TSHZ2: variants seen among roughly 807,000 people sequenced by gnomAD.
TSHZ2 encodes teashirt zinc finger homeobox 2, also known as teashirt homolog 2.
TSHZ2 carries 21 observed loss-of-function variants against 74.4 expected under a neutral mutation model. The ratio of observed to expected loss-of-function variants is 0.28; its 90% CI spans 0.20 to 0.41. The LOEUF is 0.41. TSHZ2 is among the 10% of genes least tolerant of loss of function. The pLI is 1.00. For missense variants in TSHZ2, 1,244 were observed against 1,293.5 expected, an observed-to-expected ratio of 0.96 and a Z score of 0.59; for synonymous variants, 540 against 515.3, an observed-to-expected ratio of 1.05 and a Z score of -0.65.
Position 53,255,364 on chromosome 20 carries a change from A to C in TSHZ2, c.1906A>C (p.Lys636Gln), listed in dbSNP as rs1246771701. The C allele has an allele frequency of 1.9e-6, 3 of 1,614,102 alleles. No individual in the cohort carries two copies. The Admixed American group carries it at 5.0e-5, about 27-fold the overall frequency. ...FSHSEGDSFR[K>Q]SETPPEAKKT... ...CCACAGTGAGGGCGATTCTTTCCGC[A>C]AAAGTGAAACACCTCCAGAAGCCAA... Residue 636 changes from lysine (K) to glutamine (Q), a missense_variant, in exon 2 of 3, where the codon AAA (lysine) becomes CAA (glutamine). Physicochemically the swap from Lys to Gln is moderately conservative, Grantham distance 53 (BLOSUM62 1). Coordinates refer to ENST00000371497, the MANE Select transcript of TSHZ2 (RefSeq NM_173485.6). This position sits in a 1 kb window ranked among gnomAD's most constrained non-coding sequence, Gnocchi z 4.1.
intron 1 of TSHZ2, chr20:53,185,747 C>A: frequency 1.3e-6 from 2 of 1,527,792 alleles, no homozygotes; most frequent in South Asian, 2.4e-5. Context: ...AATGGATGTT[C>A]AGTTGCCCTT....
chr20:53,256,538 T>G lies in TSHZ2; in HGVS notation c.3080T>G (p.Phe1027Cys), dbSNP rs769107974. Reference protein sequence around the residue: ...HSKSPEHHSQFVTDVDEE With the variant: ...HSKSPEHHSQCVTDVDEE ...AAGTCACCCGAACACCATTCACAGTTTGTAACAGACGTGGATGAAGAATAG... is the reference window on the plus strand; with the variant it reads ...AAGTCACCCGAACACCATTCACAGTGTGTAACAGACGTGGATGAAGAATAG... The change falls in exon 2 of 3, where the codon TTT (phenylalanine) becomes TGT (cysteine). Residue 1027 changes from phenylalanine to cysteine, a missense_variant. Coordinates refer to ENST00000371497, the MANE Select transcript of TSHZ2 (RefSeq NM_173485.6). This position sits in a 1 kb window ranked among gnomAD's most constrained non-coding sequence, Gnocchi z 4.3. 1 of 1,598,140 alleles carries G rather than the reference T, an allele frequency of 6.3e-7. No individual in the cohort carries two copies. Among genetic ancestry groups the G allele is most frequent in the East Asian group, 2.2e-5 (1 of 44,568 alleles).
intron 1 of TSHZ2, among the ~76,000 whole-genome samples, chr20:53,215,543 A>G: frequency 6.8e-6 from 1 of 146,052 alleles, no homozygotes. Context: ...TGCCTTTGGG[A>G]GGGGAGAAGT....
intron 1 of TSHZ2, among the ~76,000 whole-genome samples, chr20:53,059,509 T>C (rs1441649959): frequency 6.6e-6 from 1 of 152,198 alleles, no homozygotes; most frequent in African/African-American, 2.4e-5. Flanking sequence ...TCTGTATCGA[T>C]AACAGAGTCT....
intron 2 of TSHZ2, among the ~76,000 whole-genome samples, chr20:53,418,712 A>G (rs1345482806): frequency 6.6e-6 from 1 of 152,192 alleles, no homozygotes; most frequent in African/African-American, 2.4e-5. Context: ...AAACCGTATC[A>G]ATAGGGATTT....
At chr20:53,017,438 AT>A (rs1379456823) in intron 1 of TSHZ2, among the ~76,000 whole-genome samples, 2 of 151,982 alleles carry the variant, frequency 1.3e-5, no homozygotes, top group African/African-American at 4.8e-5. Flanking sequence ...ACGGGCCAAC[AT>A]TTTTTTTCTT....
At chr20:53,406,456 G>T (rs1226801596) in intron 2 of TSHZ2, among the ~76,000 whole-genome samples, 1 of 152,152 alleles carries the variant, frequency 6.6e-6, no homozygotes, top group Non-Finnish European at 1.5e-5. Flanking sequence ...TTAGGAGGCT[G>T]TTGGTGCCAT....
At chr20:53,154,778 C>CT (rs1311435605) in intron 1 of TSHZ2, among the ~76,000 whole-genome samples, 1 of 152,126 alleles carries the variant, frequency 6.6e-6, no homozygotes, top group Non-Finnish European at 1.5e-5. Flanking sequence ...GTAGCTCCCT[C>CT]CAAATTTTGT....
intron 1 of TSHZ2, among the ~76,000 whole-genome samples, chr20:52,987,879 C>A (rs1030896464): frequency 1.3e-5 from 2 of 152,146 alleles, no homozygotes; most frequent in African/African-American, 4.8e-5. Flanking sequence ...AGACTTGATT[C>A]TTTATTTCTT....
intron 2 of TSHZ2, among the ~76,000 whole-genome samples, chr20:53,424,421 T>C (rs1983588290): frequency 6.6e-6 from 1 of 152,228 alleles, no homozygotes; most frequent in Non-Finnish European, 1.5e-5. Context: ...ATATCCCGGA[T>C]GACCATTATT....
intron 1 of TSHZ2, among the ~76,000 whole-genome samples, chr20:53,226,119 A>AACAC (rs11470731): frequency 0.026 from 3,862 of 147,528 alleles, 69 homozygotes; most frequent in African/African-American, 0.056. Flanking sequence ...GACTAAATTT[A>AACAC]ACACACACAC....
chr20:53,119,076 C>G (rs979774651), intron 1 of TSHZ2, among the ~76,000 whole-genome samples: 1 of 152,094 alleles, frequency 6.6e-6, no homozygotes, highest in Non-Finnish European at 1.5e-5. Context: ...ACACTCACCC[C>G]CATGATCCAA....
intron 2 of TSHZ2, among the ~76,000 whole-genome samples, chr20:53,437,079 C>T (rs1169008437): frequency 5.3e-5 from 8 of 152,186 alleles, no homozygotes; most frequent in Non-Finnish European, 1.2e-4. Flanking sequence ...CTCCTCTGGG[C>T]ACCTCCAGAA....
intron 1 of TSHZ2, among the ~76,000 whole-genome samples, chr20:53,251,666 A>G (rs1419571996): frequency 6.6e-6 from 1 of 152,218 alleles, no homozygotes; most frequent in Admixed American, 6.5e-5. Context: ...ATAGCAGTAA[A>G]ATAACTAACA....
intron 2 of TSHZ2, among the ~76,000 whole-genome samples, chr20:53,386,413 A>G (rs1982047922): frequency 1.3e-5 from 2 of 152,206 alleles, no homozygotes; most frequent in Admixed American, 1.3e-4. Context: ...CCTCATTTGC[A>G]TATCCCATTT....
chr20:52,988,202 A>G (rs1318331416), intron 1 of TSHZ2, among the ~76,000 whole-genome samples: 2 of 152,186 alleles, frequency 1.3e-5, no homozygotes, highest in Non-Finnish European at 2.9e-5. Flanking sequence ...CCCATATAAC[A>G]ACGAAGCCAA....
At chr20:53,348,559 A>G (rs201420978) in intron 2 of TSHZ2, among the ~76,000 whole-genome samples, 2 of 145,356 alleles carry the variant, frequency 1.4e-5, no homozygotes, top group Non-Finnish European at 3.0e-5. Flanking sequence ...AGACCCCCCC[A>G]AAAGAAACAA....
intron 1 of TSHZ2, among the ~76,000 whole-genome samples, chr20:52,974,079 T>C (rs1429412937): frequency 6.6e-6 from 1 of 152,176 alleles, no homozygotes; most frequent in East Asian, 1.9e-4. Flanking sequence ...TACTGCCCCC[T>C]AAAAAAGATA....
At chr20:53,467,603 AG>A (rs770291732) in intron 2 of TSHZ2, among the ~76,000 whole-genome samples, 7 of 152,262 alleles carry the variant, frequency 4.6e-5, no homozygotes, top group Non-Finnish European at 8.8e-5. Flanking sequence ...ACTGAGATTA[AG>A]AAAAGGTAAG....
Sources: allele counts gnomAD v4.1 joint callset (sites outside exome capture counted in the v4.1 genomes callset), GRCh38; gene constraint gnomAD v4.1.1; non-coding constraint Gnocchi (gnomAD v3.1); transcripts MANE v1.5; gene names NCBI Gene and HGNC (gene_info 2026-07-23, HGNC 2026-07-21).